The following G2E3 variants were observed in gnomAD, a reference collection of about 807,000 sequenced individuals.
G2E3 encodes G2/M phase-specific E3 ubiquitin-protein ligase.
G2E3 carries 35 observed loss-of-function variants against 92.8 expected under a neutral mutation model. That is an observed-to-expected ratio of 0.38 (90% CI 0.29 to 0.50). The LOEUF (loss-of-function observed/expected upper bound fraction) is 0.50, where lower values mean the gene tolerates loss of function less well. G2E3 is among the 20% of genes least tolerant of loss of function. G2E3 has a pLI of 0.94. For synonymous variants in G2E3, 242 were observed against 272.4 expected (o/e 0.89, Z 1.10); for missense variants, 554 against 823.8 (o/e 0.67, Z 4.01).
chr14:30,599,500 T>C (rs992875722), intron 8 of G2E3, among the ~76,000 whole-genome samples: 3 of 152,176 alleles, frequency 2.0e-5, no homozygotes, highest in Non-Finnish European at 4.4e-5. Flanking sequence ...GTGCTGGGAT[T>C]ACAGGCATGA....
intron 14 of G2E3, 31 bp from the exon 15 acceptor site, chr14:30,616,247 C>T (rs772168360): frequency 1.4e-6 from 2 of 1,449,944 alleles, no homozygotes; most frequent in Non-Finnish European, 1.9e-6. Flanking sequence ...ACTTTTGTTT[C>T]TTTTACTCTT....
Position 30,619,834 on chromosome 14 carries a change from T to A in G2E3, c.*3300T>A, listed in dbSNP as rs151152476. 108 of 152,316 alleles carry A rather than the reference T, an allele frequency of 7.1e-4. 2 individuals are homozygous for A. Among genetic ancestry groups the A allele is most frequent in the African/African-American group, 2.4e-3 (101 of 41,574 alleles). 9.4% of individuals were successfully genotyped at this position (152,316 alleles called of 1,614,324 possible). Reference sequence around the variant, plus strand: ...AAATAAATAAATGTGTTTATGCCACTAAAGGTAAACTGCCTATTTAAACTA... The same window carrying A: ...AAATAAATAAATGTGTTTATGCCACAAAAGGTAAACTGCCTATTTAAACTA... On this transcript the variant is annotated 3_prime_UTR_variant, in exon 15 of 15. Coordinates refer to ENST00000206595, the MANE Select transcript of G2E3 (RefSeq NM_017769.5).
intron 1 of G2E3, among the ~76,000 whole-genome samples, chr14:30,570,773 G>A (rs1879711549): frequency 6.6e-6 from 1 of 152,160 alleles, no homozygotes; most frequent in South Asian, 2.1e-4. Flanking sequence ...TGTGTTTCTA[G>A]GGAGGTACAG....
chr14:30,581,137 T>C, intron 2 of G2E3, 21 bp downstream of exon 2: 1 of 1,307,824 alleles, frequency 7.6e-7, no homozygotes, highest in East Asian at 2.3e-5. Context: ...GTATTTAAAA[T>C]AATTTTATTA....
At chr14:30,586,874 T>C (rs1880740035) in intron 3 of G2E3, 59 bp downstream of exon 3, 1 of 541,572 alleles carries the variant, frequency 1.8e-6, no homozygotes, top group Non-Finnish European at 3.3e-6. Context: ...GATAGTAAGA[T>C]TCTGACACTG....
chr14:30,590,928 A>T, intron 4 of G2E3: 1 of 293,644 alleles, frequency 3.4e-6, no homozygotes, highest in Non-Finnish European at 6.8e-6. Context: ...CAGATTTAGG[A>T]ATATTTGCTT....
At chr14:30,565,412 C>T (rs1382397579) in intron 1 of G2E3, among the ~76,000 whole-genome samples, 1 of 151,982 alleles carries the variant, frequency 6.6e-6, no homozygotes, top group African/African-American at 2.4e-5. Flanking sequence ...TTTTCCCATT[C>T]TGTAGATTGT....
rs925354330 is a variant in G2E3 at position 30,602,045 on chromosome 14, T to C, written c.924T>C (p.Asn308=). 1 of 1,610,060 alleles carries C rather than the reference T, an allele frequency of 6.2e-7. No homozygotes were observed. Among genetic ancestry groups the C allele is most frequent in the African/African-American group, 1.3e-5 (1 of 74,846 alleles). Residue 308 remains asparagine (N), a synonymous_variant, in exon 10 of 15, where the codon AAT becomes AAC. Transcript: ENST00000206595. ...AKKHVLPNSN[N]VGITDCLLEE... is the part of the protein sequence containing the mutation. Reference sequence around the variant, plus strand: ...AACATGTATTACCCAATTCTAATAATGTGGGGATTACAGATTGTTTGTTGG... The same window carrying C: ...AACATGTATTACCCAATTCTAATAACGTGGGGATTACAGATTGTTTGTTGG...
chr14:30,592,294 G>T (rs923109970), intron 4 of G2E3, 29 bp from the exon 5 acceptor site: 3 of 1,600,544 alleles, frequency 1.9e-6, no homozygotes, highest in Non-Finnish European at 2.6e-6. Flanking sequence ...TTTTTATGTT[G>T]TGACCCCTAT....
chr14:30,559,416 G>A (rs1201747378), intron 1 of G2E3, 144 bp downstream of exon 1: 2 of 152,330 alleles, frequency 1.3e-5, no homozygotes, highest in Non-Finnish European at 2.9e-5. Context: ...GGCCCGGCCT[G>A]GAGACTAAGG....
chr14:30,578,000 T>A (rs1008276336), intron 1 of G2E3, among the ~76,000 whole-genome samples: 12 of 152,210 alleles, frequency 7.9e-5, no homozygotes, highest in African/African-American at 1.9e-4. Flanking sequence ...AGATATTATT[T>A]TTTTTTAATT....
chr14:30,609,286 T>C (rs1475550727), intron 12 of G2E3, among the ~76,000 whole-genome samples: 1 of 152,224 alleles, frequency 6.6e-6, no homozygotes, highest in Non-Finnish European at 1.5e-5. Flanking sequence ...GTATTTCCTA[T>C]TTATTTCTTG....
intron 1 of G2E3, among the ~76,000 whole-genome samples, chr14:30,562,999 A>G (rs1879203804): frequency 1.3e-5 from 2 of 152,062 alleles, no homozygotes; most frequent in Admixed American, 6.5e-5. Context: ...ATTTGGGGCC[A>G]CTACCAGTCT....
chr14:30,567,394 GT>G (rs1333322759), intron 1 of G2E3, among the ~76,000 whole-genome samples: 2 of 151,950 alleles, frequency 1.3e-5, no homozygotes, highest in Non-Finnish European at 2.9e-5. Flanking sequence ...TTTGTTATTT[GT>G]TTAACCTATT....
intron 6 of G2E3, among the ~76,000 whole-genome samples, chr14:30,594,790 T>G (rs1424695278): frequency 2.6e-5 from 4 of 152,020 alleles, no homozygotes; most frequent in South Asian, 2.1e-4. Context: ...TTTTTTTTTT[T>G]TGTATGGACC....
At chr14:30,577,311 G>A (rs991467939) in intron 1 of G2E3, among the ~76,000 whole-genome samples, 3 of 151,788 alleles carry the variant, frequency 2.0e-5, no homozygotes, top group Non-Finnish European at 4.4e-5. Context: ...CAGCTGGAAT[G>A]AGAAGGAATT....
chr14:30,601,947 A>C, intron 9 of G2E3, 52 bp from the exon 10 acceptor site: 1 of 1,605,498 alleles, frequency 6.2e-7, no homozygotes, highest in South Asian at 1.1e-5. Context: ...ATATGATTTA[A>C]AAGTTTTTAC....
intron 12 of G2E3, 150 bp from the exon 13 acceptor site, chr14:30,612,057 C>T: frequency 1.7e-6 from 1 of 586,490 alleles, no homozygotes; most frequent in Non-Finnish European, 3.0e-6. Flanking sequence ...GATGATCAGA[C>T]ATTTATTCTA....
At chr14:30,561,615 T>A (rs185344339) in intron 1 of G2E3, among the ~76,000 whole-genome samples, 2 of 152,366 alleles carry the variant, frequency 1.3e-5, no homozygotes, top group East Asian at 3.9e-4. Flanking sequence ...TTGGCCTTTT[T>A]ATTTCCCCTT....
Sources: allele counts gnomAD v4.1 joint callset (sites outside exome capture counted in the v4.1 genomes callset), GRCh38; gene constraint gnomAD v4.1.1; transcripts MANE v1.5; gene names NCBI Gene and HGNC (gene_info 2026-07-23, HGNC 2026-07-21).